Variants in NPAS3 observed in about 807,000 individuals in gnomAD.
NPAS3 encodes the protein neuronal PAS domain protein 3.
Under a neutral mutation model 73.1 loss-of-function variants are expected in NPAS3, and 14 were observed. The ratio of observed to expected loss-of-function variants is 0.19; its 90% confidence interval spans 0.13 to 0.30. NPAS3 has a LOEUF of 0.30. NPAS3 is among the 10% of genes least tolerant of loss of function. The pLI, the probability that NPAS3 is intolerant of heterozygous loss-of-function variation, is 1.00. For synonymous variants in NPAS3, 620 were observed against 541.5 expected (o/e 1.14, Z -2.01); for missense variants, 1,096 against 1,250.0 (o/e 0.88, Z 1.86).
chr14:33,638,703 A>G (rs2058594783), intron 5 of NPAS3, among the ~76,000 whole-genome samples: 1 of 152,332 alleles, frequency 6.6e-6, no homozygotes, highest in South Asian at 2.1e-4. Context: ...CCAGAACTAG[A>G]AATGTCCAGC....
chr14:32,967,409 T>C (rs569886142), intron 1 of NPAS3, among the ~76,000 whole-genome samples: 1 of 152,328 alleles, frequency 6.6e-6, no homozygotes, highest in South Asian at 2.1e-4. Flanking sequence ...TCAGAAGTTA[T>C]ACACAGATTT....
intron 5 of NPAS3, among the ~76,000 whole-genome samples, chr14:33,648,092 G>T (rs1165585172): frequency 1.3e-5 from 2 of 152,060 alleles, no homozygotes; most frequent in African/African-American, 4.8e-5. Flanking sequence ...TACAAGAAAG[G>T]CTTAGAACTC....
intron 6 of NPAS3, among the ~76,000 whole-genome samples, chr14:33,678,626 G>A (rs2059838914): frequency 3.3e-5 from 5 of 152,078 alleles, no homozygotes; most frequent in Admixed American, 3.3e-4. Flanking sequence ...CTTTCTCAGG[G>A]TAGGCTACTA....
intron 2 of NPAS3, among the ~76,000 whole-genome samples, chr14:33,198,153 T>A (rs1486775334): frequency 6.6e-6 from 1 of 152,302 alleles, no homozygotes; most frequent in Middle Eastern, 3.4e-3. Flanking sequence ...CTTCGCAGTG[T>A]TACAGCTCAT....
At chr14:33,179,882 A>G (rs1481312512) in intron 2 of NPAS3, among the ~76,000 whole-genome samples, 1 of 152,240 alleles carries the variant, frequency 6.6e-6, no homozygotes, top group Admixed American at 6.5e-5. Context: ...GAGGCATTTT[A>G]GAGGTCACCA....
At chr14:33,777,434 G>A (rs1305162485) in intron 8 of NPAS3, among the ~76,000 whole-genome samples, 1 of 151,394 alleles carries the variant, frequency 6.6e-6, no homozygotes, top group Non-Finnish European at 1.5e-5. Flanking sequence ...TTTTTTGTTT[G>A]TTTTTCTTTC....
At chr14:33,368,310 T>TTAAA (rs2045931730) in intron 4 of NPAS3, among the ~76,000 whole-genome samples, 1 of 144,882 alleles carries the variant, frequency 6.9e-6, no homozygotes, top group African/African-American at 2.5e-5. Flanking sequence ...GATTCTGCGT[T>TTAAA]AAAAAAAAAA....
intron 7 of NPAS3, among the ~76,000 whole-genome samples, chr14:33,759,868 G>A (rs1184751531): frequency 6.6e-6 from 1 of 152,038 alleles, no homozygotes. Flanking sequence ...TTTTGCCAAG[G>A]GCATTTAGCA....
chr14:33,225,298 TC>T (rs2047587661), intron 3 of NPAS3, among the ~76,000 whole-genome samples: 1 of 152,174 alleles, frequency 6.6e-6, no homozygotes, highest in African/African-American at 2.4e-5. Context: ...CATTTAAGAG[TC>T]ATACATGAGC....
intron 3 of NPAS3, among the ~76,000 whole-genome samples, chr14:33,229,765 A>G (rs1594455266): frequency 6.6e-6 from 1 of 152,174 alleles, no homozygotes; most frequent in Admixed American, 6.5e-5. Context: ...CCTAAACAAA[A>G]AAATCTTTTG....
intron 2 of NPAS3, among the ~76,000 whole-genome samples, chr14:33,175,440 G>T (rs2045551954): frequency 6.6e-6 from 1 of 152,082 alleles, no homozygotes; most frequent in Non-Finnish European, 1.5e-5. Context: ...TTTTTAGGAA[G>T]CATACCTACT....
rs567939087 is a variant in NPAS3, at chr14:33,642,541, T to A, written c.559-33670T>A. On this transcript the variant is annotated intron_variant, in intron 5 of 11. Transcript: ENST00000356141. ...ATAGATCATTTCTTTTAAGTCTGGGTACAAGATTGAAAAATCTCAATCTAG... is the reference window on the plus strand; with the variant it reads ...ATAGATCATTTCTTTTAAGTCTGGGAACAAGATTGAAAAATCTCAATCTAG... 2.0e-5 allele frequency among the ~76,000 whole-genome samples: 3 copies of A among 152,300 alleles called. No homozygotes were observed. In the South Asian group the frequency reaches 6.2e-4, roughly 32 times the overall value.
At chr14:33,689,125 C>T (rs895680483) in intron 6 of NPAS3, among the ~76,000 whole-genome samples, 2 of 152,150 alleles carry the variant, frequency 1.3e-5, no homozygotes, top group East Asian at 3.9e-4. Flanking sequence ...AACAAGACAG[C>T]CCACGTTGTG....
At chr14:32,999,738 T>G (rs879692184) in intron 1 of NPAS3, among the ~76,000 whole-genome samples, 1 of 152,198 alleles carries the variant, frequency 6.6e-6, no homozygotes, top group Admixed American at 6.5e-5. Context: ...AATCTGTTAG[T>G]GATGTATTTT....
In NPAS3 at chr14:33,800,048, A is replaced by G. The variant is rs780263524; in HGVS notation, c.1741A>G (p.Lys581Glu). ...CGAGTCACTCACGTCCGACAGCGCC[A>G]AGGACTCGGACAGCGCAGGCGAGGC... The change falls in exon 12 of 12, where the codon AAG becomes GAG. Residue 581 changes from lysine (K) to glutamate (E), a missense_variant. Physicochemically the swap from Lys to Glu is moderately conservative, Grantham distance 56. Coordinates refer to ENST00000356141, the Ensembl canonical transcript of NPAS3. The surrounding 1 kb of genome is among the most constrained non-coding windows in gnomAD (Gnocchi z 6.5). 6 of 1,608,018 alleles carry G rather than the reference A, an allele frequency of 3.7e-6. No individual in the cohort carries two copies. The South Asian group carries it at 6.6e-5, about 18-fold the overall frequency.
chr14:33,009,341 C>G (rs1292152898), intron 1 of NPAS3, among the ~76,000 whole-genome samples: 1 of 152,126 alleles, frequency 6.6e-6, no homozygotes, highest in East Asian at 1.9e-4. Flanking sequence ...TGGGCTCTAA[C>G]AGTTGAGGGT....
At chr14:33,715,073 A>G (rs2060922119) in intron 6 of NPAS3, among the ~76,000 whole-genome samples, 1 of 152,204 alleles carries the variant, frequency 6.6e-6, no homozygotes, top group Admixed American at 6.5e-5. Flanking sequence ...AGCTTTGTTC[A>G]GCAGTGTCAT....
chr14:33,141,305 T>C (rs1300543119), intron 2 of NPAS3, among the ~76,000 whole-genome samples: 1 of 152,130 alleles, frequency 6.6e-6, no homozygotes, highest in Non-Finnish European at 1.5e-5. Context: ...AAGGGGGAAA[T>C]GATGATGGGT....
At chr14:33,157,420 G>T (rs948621334) in intron 2 of NPAS3, among the ~76,000 whole-genome samples, 2 of 152,188 alleles carry the variant, frequency 1.3e-5, no homozygotes, top group African/African-American at 2.4e-5. Flanking sequence ...GAAGGTGAAA[G>T]AACCTGTCCT....
Sources: gnomAD v4.1 joint callset for allele counts (sites outside exome capture counted in the v4.1 genomes callset) on GRCh38, gnomAD v4.1.1 for gene constraint, Gnocchi (gnomAD v3.1) non-coding constraint, MANE v1.5 for transcripts, NCBI Gene and HGNC (gene_info 2026-07-23, HGNC 2026-07-21) for gene names.